SETD2: variants seen among roughly 807,000 people sequenced by gnomAD.
SETD2 encodes the protein SET domain containing 2, histone lysine methyltransferase, also known as histone-lysine N-methyltransferase SETD2.
In SETD2, 31 loss-of-function variants were observed where a neutral mutation model predicts 242.1. That is an observed-to-expected ratio of 0.13 (90% confidence interval 0.10 to 0.17). The LOEUF is 0.17. SETD2 is among the 10% of genes least tolerant of loss of function. The pLI is 1.00. For missense variants in SETD2, 2,481 were observed against 3,046.3 expected (o/e 0.81, Z 4.37); for synonymous variants, 1,006 against 1,066.5 (o/e 0.94, Z 1.11).
chr3:47,105,789 G>A, intron 6 of SETD2: 1 of 498,524 alleles, frequency 2.0e-6, no homozygotes, highest in South Asian at 1.9e-5. Context: ...TGTAATCCCA[G>A]CTACTCAGGA....
intron 15 of SETD2, among the ~76,000 whole-genome samples, chr3:47,052,617 G>A (rs6783943): frequency 6.6e-6 from 1 of 152,042 alleles, no homozygotes; most frequent in Non-Finnish European, 1.5e-5. Flanking sequence ...AGGAGTTCGA[G>A]ACCAGCCTGA....
At chr3:47,030,207 A>G (rs1010793576) in intron 18 of SETD2, among the ~76,000 whole-genome samples, 4 of 152,192 alleles carry the variant, frequency 2.6e-5, no homozygotes, top group Admixed American at 2.6e-4. Context: ...GGTATTTATC[A>G]GCACTGTTAA....
chr3:47,068,799 TTTTTG>T (rs970654603), intron 12 of SETD2, among the ~76,000 whole-genome samples: 2 of 145,484 alleles, frequency 1.4e-5, no homozygotes, highest in African/African-American at 2.6e-5. Flanking sequence ...CCGGCCTATC[TTTTTG>T]TTTTGTTTTG....
chr3:47,126,677 G>T lies in SETD2; in HGVS notation c.72-14C>A. ...TTTTCTTCTTCTCTATTTCCATTCA[G>T]CCAAGAAAACATGCAAAAGAATAAA... is the stretch of plus-strand genomic sequence containing the variant. On this transcript the variant is annotated splice_polypyrimidine_tract_variant and intron_variant, in intron 1 of 20. Coordinates refer to ENST00000409792, the MANE Select transcript of SETD2 (RefSeq NM_014159.7). The T allele has an allele frequency of 7.6e-7, 1 of 1,313,992 alleles. No homozygotes were observed. The highest frequency in any genetic ancestry group is 1.1e-6 in the Non-Finnish European group (1 of 939,136). 81.4% of individuals were successfully genotyped at this position (1,313,992 alleles called of 1,614,324 possible).
At chr3:47,147,941 A>C (rs1391184587) in intron 1 of SETD2, among the ~76,000 whole-genome samples, 1 of 148,062 alleles carries the variant, frequency 6.8e-6, no homozygotes, top group African/African-American at 2.5e-5. Context: ...AAAAAAAAAG[A>C]TATTTTCTTT....
chr3:47,129,873 C>T (rs1272062623), intron 1 of SETD2, among the ~76,000 whole-genome samples: 5 of 148,498 alleles, frequency 3.4e-5, no homozygotes, highest in Non-Finnish European at 5.9e-5. Context: ...AATGAGACTC[C>T]GCCTCAAAAA....
At position 47,120,949 on chromosome 3, in the gene SETD2, T is replaced by A. The variant is rs2043055913; in HGVS notation, c.3687A>T (p.Arg1229Ser). The change falls in exon 3 of 21, where the codon AGA (arginine) becomes AGT (serine). Residue 1229 changes from arginine (R) to serine (S), a missense_variant. By Grantham distance (110) the Arg-to-Ser change is moderately radical (BLOSUM62 -1). Transcript: ENST00000409792. ...AAAAACTCAATTCTGTTTTTCCCAG[T>A]CTACTATCTGGCCTGTTTTGGAAAG... ...QTTFQNRPDS[R>S]LGKTELSFSS... is the part of the protein sequence containing the mutation. The A allele has an allele frequency of 1.9e-6, 3 of 1,614,198 alleles. No homozygotes were observed. Among genetic ancestry groups the A allele is most frequent in the Middle Eastern group, 1.6e-4 (1 of 6,062 alleles).
chr3:47,072,025 T>C (rs1326720293), intron 12 of SETD2, among the ~76,000 whole-genome samples: 1 of 152,072 alleles, frequency 6.6e-6, no homozygotes, highest in African/African-American at 2.4e-5. Context: ...AACAAAATAA[T>C]TGGTGGGGCG....
chr3:47,156,427 C>T (rs865916757), intron 1 of SETD2, among the ~76,000 whole-genome samples: 28 of 152,130 alleles, frequency 1.8e-4, no homozygotes, highest in African/African-American at 6.5e-4. Flanking sequence ...AGAGACAATT[C>T]TTAGGAAAAC....
At chr3:47,107,701 GAA>G (rs2042480884) in intron 5 of SETD2, among the ~76,000 whole-genome samples, 1 of 128,228 alleles carries the variant, frequency 7.8e-6, no homozygotes, top group African/African-American at 2.8e-5. Context: ...TCAAGAAAAA[GAA>G]AAGTCACTTT....
chr3:47,026,995 G>A (rs1559642185), intron 18 of SETD2, among the ~76,000 whole-genome samples: 1 of 151,698 alleles, frequency 6.6e-6, no homozygotes, highest in Non-Finnish European at 1.5e-5. Context: ...ATCACAAAAG[G>A]CCATATATTG....
rs1313153861 is a variant in SETD2, at chr3:47,122,294, G to T, written c.2342C>A (p.Thr781Lys). The T allele has an allele frequency of 6.2e-7, 1 of 1,614,062 alleles. No individual in the cohort carries two copies. The highest frequency in any genetic ancestry group is 8.5e-7 in the Non-Finnish European group (1 of 1,179,964). Residue 781 changes from threonine to lysine, a missense_variant, in exon 3 of 21, where the codon ACG becomes AAG. By Grantham distance (78) the Thr-to-Lys change is moderately conservative. Coordinates refer to ENST00000409792, the MANE Select transcript of SETD2 (RefSeq NM_014159.7). ...SKTVVKEPVDTRVSCCKTKDS... is the reference protein window; with the variant it reads ...SKTVVKEPVDKRVSCCKTKDS... The stretch of plus-strand genomic sequence containing the variant: ...TTTGGTTTTGCAGCAAGAAACCCTC[G>T]TATCAACTGGTTCTTTAACTACTGT...
At position 47,157,575 on chromosome 3, in the gene SETD2, A is replaced by G. The variant is rs1340218677; in HGVS notation, c.71+6279T>C. The G allele has an allele frequency of 6.6e-6, 3 of 455,658 alleles. No individual in the cohort carries two copies. In the East Asian group the frequency reaches 2.1e-4, roughly 32 times the overall value. The allele number at this position is 455,658 out of a possible 1,614,324, so 28.2% of individuals were successfully genotyped here. ...TAGCTGACTTGTTCCATTCAATACT[A>G]ACAATAAAAGAACTGACCAGGGGCG... On this transcript the variant is annotated intron_variant, in intron 1 of 20. Coordinates refer to ENST00000409792, the MANE Select transcript of SETD2 (RefSeq NM_014159.7).
At chr3:47,150,289 C>T (rs999018157) in intron 1 of SETD2, among the ~76,000 whole-genome samples, 34 of 152,162 alleles carry the variant, frequency 2.2e-4, no homozygotes, top group Non-Finnish European at 3.1e-4. Context: ...TCGCCCGCCT[C>T]GGCCTCCCAA....
At chr3:47,161,083 C>A (rs1183845531) in intron 1 of SETD2, among the ~76,000 whole-genome samples, 1 of 152,176 alleles carries the variant, frequency 6.6e-6, no homozygotes, top group Admixed American at 6.5e-5. Context: ...TTCAAACCAT[C>A]CAAAGTCTAA....
chr3:47,123,478 A>C lies in SETD2; in HGVS notation c.1158T>G (p.Asp386Glu), dbSNP rs1269401183. The C allele has an allele frequency of 1.3e-6, 2 of 1,551,392 alleles. No homozygotes were observed. The highest frequency in any genetic ancestry group is 1.7e-6 in the Non-Finnish European group (2 of 1,146,896). Residue 386 changes from aspartate (D) to glutamate (E), a missense_variant, in exon 3 of 21, where the codon GAT (aspartate) becomes GAG (glutamate). By Grantham distance (45) the Asp-to-Glu change is conservative. This residue lies in a region of SETD2 where 1,300 missense variants were observed against 1,259.2 expected (regional missense o/e 1.03). Transcript: ENST00000409792. ...KYFSYSKLER[D>E]TRYVSSRCRS... ...TACATCGGGAAGATACATACCGAGT[A>C]TCTCTTTCAAGTTTTGAATAGCTAA...
chr3:47,022,284 G>T (rs1159533350), intron 18 of SETD2, among the ~76,000 whole-genome samples: 1 of 150,272 alleles, frequency 6.7e-6, no homozygotes, highest in Non-Finnish European at 1.5e-5. Context: ...CAGCACTTTG[G>T]GAGGCCAAGA....
At chr3:47,029,255 G>C (rs544708906) in intron 18 of SETD2, among the ~76,000 whole-genome samples, 4 of 150,156 alleles carry the variant, frequency 2.7e-5, no homozygotes, top group Non-Finnish European at 4.4e-5. Flanking sequence ...TAATGGTTTT[G>C]CCATGTTGCT....
intron 6 of SETD2, among the ~76,000 whole-genome samples, chr3:47,104,691 A>G (rs2042341581): frequency 6.6e-6 from 1 of 152,242 alleles, no homozygotes; most frequent in Non-Finnish European, 1.5e-5. Context: ...AAGGAAACCA[A>G]TTTTACCATA....
Sources: allele counts gnomAD v4.1 joint callset (sites outside exome capture counted in the v4.1 genomes callset), GRCh38; gene constraint gnomAD v4.1.1; regional missense constraint gnomAD v4.1.1; transcripts MANE v1.5; gene names NCBI Gene and HGNC (gene_info 2026-07-23, HGNC 2026-07-21).